Variants in SIPA1L2 observed in about 807,000 individuals in gnomAD.
SIPA1L2 encodes signal-induced proliferation-associated 1-like protein 2.
In SIPA1L2, 56 loss-of-function variants were observed where a neutral mutation model predicts 163.9. The ratio of observed to expected loss-of-function variants is 0.34; its 90% CI spans 0.28 to 0.43. SIPA1L2 has a LOEUF of 0.43. Ranked by LOEUF, SIPA1L2 falls within the 20% of genes least tolerant of loss-of-function variation. The pLI is 1.00. For synonymous variants in SIPA1L2, 877 were observed against 865.7 expected (o/e 1.01, Z -0.23); for missense variants, 1,974 against 2,193.5 (o/e 0.90, Z 2.00).
rs1283649687 is a variant in SIPA1L2, at chr1:232,490,880, T to C, written c.1800A>G (p.Glu600=). 1.2e-6 allele frequency: 2 copies of C among 1,613,200 alleles called. No homozygotes were observed. Among genetic ancestry groups the C allele is most frequent in the Middle Eastern group, 1.7e-4 (1 of 5,944 alleles). ...AATCTCACATTATACACACCCCTTGTTCATCAAGCTTGAGCAGCTGCTCTG... is the reference window on the plus strand; with the variant it reads ...AATCTCACATTATACACACCCCTTGCTCATCAAGCTTGAGCAGCTGCTCTG... ...KVSEQLLKLD[E]QGLSFQHKIG... is the part of the protein sequence containing the mutation. Residue 600 remains glutamate, a synonymous_variant, in exon 5 of 23, where the codon GAA becomes GAG. Transcript: ENST00000674635.
intron 2 of SIPA1L2, among the ~76,000 whole-genome samples, chr1:232,516,955 G>A (rs1667244268): frequency 6.6e-6 from 1 of 152,128 alleles, no homozygotes; most frequent in South Asian, 2.1e-4. Context: ...AAATGTCTGT[G>A]TCTAAATAAA....
At position 232,630,131 on chromosome 1, in the gene SIPA1L2, T is replaced by C. The variant is rs972740002; in HGVS notation, c.-581A>G. 4.0e-5 allele frequency among the ~76,000 whole-genome samples: 6 copies of C among 151,096 alleles called. No homozygotes were observed. The highest frequency in any genetic ancestry group is 1.5e-4 in the African/African-American group (6 of 41,274). On this transcript the variant is annotated 5_prime_UTR_variant, in exon 1 of 23. Transcript: ENST00000674635. Reference sequence around the variant, plus strand: ...CCGCCAGCTCCTCCCGGGCTCCCAGTCTGCCGCGCCGGCTCCCGATGCCAC... The same window carrying C: ...CCGCCAGCTCCTCCCGGGCTCCCAGCCTGCCGCGCCGGCTCCCGATGCCAC...
chr1:232,491,078 A>C lies in SIPA1L2; in HGVS notation c.1618-16T>G, dbSNP rs191180116. 6.2e-7 allele frequency: 1 copy of C among 1,605,156 alleles called. No individual in the cohort carries two copies. The highest frequency in any genetic ancestry group is 1.3e-5 in the African/African-American group (1 of 74,722). On this transcript the variant is annotated splice_polypyrimidine_tract_variant and intron_variant, in intron 4 of 22. Coordinates refer to ENST00000674635, the MANE Select transcript of SIPA1L2 (RefSeq NM_020808.5). Reference sequence around the variant, plus strand: ...GTGTTGTAAGCTGCAGTGACAAAACATAAGACTTCGGTTAATATTGATTCT... The same window carrying C: ...GTGTTGTAAGCTGCAGTGACAAAACCTAAGACTTCGGTTAATATTGATTCT...
At chr1:232,579,964 A>T (rs1660285815) in intron 1 of SIPA1L2, among the ~76,000 whole-genome samples, 1 of 152,172 alleles carries the variant, frequency 6.6e-6, no homozygotes, top group African/African-American at 2.4e-5. Flanking sequence ...AAAGAATTTG[A>T]GGTGAATTCG....
intron 2 of SIPA1L2, among the ~76,000 whole-genome samples, chr1:232,550,164 A>AT (rs1211073775): frequency 6.6e-6 from 1 of 152,214 alleles, no homozygotes; most frequent in Admixed American, 6.5e-5. Flanking sequence ...AGTTTACCAA[A>AT]TGGCATCTTG....
intron 18 of SIPA1L2, among the ~76,000 whole-genome samples, chr1:232,420,717 C>A (rs955323239): frequency 6.6e-6 from 1 of 152,100 alleles, no homozygotes; most frequent in African/African-American, 2.4e-5. Context: ...TGCCTGTAGT[C>A]CCAGCTACTC....
intron 2 of SIPA1L2, among the ~76,000 whole-genome samples, chr1:232,524,695 C>T (rs1667610879): frequency 6.6e-6 from 1 of 151,884 alleles, no homozygotes; most frequent in Non-Finnish European, 1.5e-5. Flanking sequence ...GAATATGCAT[C>T]AACTTGAGGA....
chr1:232,511,672 C>G (rs1666987448), intron 3 of SIPA1L2, among the ~76,000 whole-genome samples: 1 of 152,076 alleles, frequency 6.6e-6, no homozygotes, highest in Non-Finnish European at 1.5e-5. Context: ...CCCACCCTCC[C>G]CAACCCACTC....
chr1:232,626,989 A>G (rs746262554), intron 1 of SIPA1L2, among the ~76,000 whole-genome samples: 2 of 152,192 alleles, frequency 1.3e-5, no homozygotes, highest in Non-Finnish European at 2.9e-5. Flanking sequence ...TAGAAAACCT[A>G]GAACATGGTT....
chr1:232,459,926 A>G (rs541985928), intron 10 of SIPA1L2, among the ~76,000 whole-genome samples: 1 of 152,322 alleles, frequency 6.6e-6, no homozygotes, highest in African/African-American at 2.4e-5. Context: ...GAGGTAGGCG[A>G]TATAATAATC....
intron 17 of SIPA1L2, 136 bp downstream of exon 17, chr1:232,428,275 T>C (rs1662018603): frequency 1.5e-6 from 1 of 663,686 alleles, no homozygotes; most frequent in Non-Finnish European, 2.2e-6. Flanking sequence ...GTCAACTATG[T>C]GCAGTGAGTT....
chr1:232,612,654 C>T (rs1195566198), intron 1 of SIPA1L2, among the ~76,000 whole-genome samples: 1 of 152,188 alleles, frequency 6.6e-6, no homozygotes, highest in African/African-American at 2.4e-5. Context: ...TTTACTCATA[C>T]CTATATCCCC....
intron 18 of SIPA1L2, among the ~76,000 whole-genome samples, chr1:232,418,545 G>C (rs1056225699): frequency 6.6e-6 from 1 of 152,200 alleles, no homozygotes; most frequent in African/African-American, 2.4e-5. Flanking sequence ...CAGCCAACCA[G>C]CTCTGAAGGT....
chr1:232,398,252 A>C lies in SIPA1L2; in HGVS notation c.*875T>G, dbSNP rs1383325683. ...AAGGGTGTTAAATACAAGACACTTCATCAAAGCTTCTGTACAAAGATAAAC... is the reference window on the plus strand; with the variant it reads ...AAGGGTGTTAAATACAAGACACTTCCTCAAAGCTTCTGTACAAAGATAAAC... On this transcript the variant is annotated 3_prime_UTR_variant, in exon 23 of 23. Transcript: ENST00000674635. 1.3e-5 allele frequency: 2 copies of C among 152,642 alleles called. No individual in the cohort carries two copies. The highest frequency in any genetic ancestry group is 2.9e-5 in the Non-Finnish European group (2 of 68,036). The allele number at this position is 152,642 out of a possible 1,614,324, so 9.5% of individuals were successfully genotyped here. A position where few individuals can be genotyped will look rare whatever the true frequency, so the allele number is the denominator to read the frequency against.
At position 232,514,623 on chromosome 1, in the gene SIPA1L2, T is replaced by C. The variant is rs1416586593; in HGVS notation, c.717A>G (p.Ala239=). The C allele has an allele frequency of 6.2e-7, 1 of 1,614,198 alleles. No homozygotes were observed. Among genetic ancestry groups the C allele is most frequent in the South Asian group, 1.1e-5 (1 of 91,082 alleles). The change falls in exon 3 of 23, where the codon GCA becomes GCG. Residue 239 remains alanine (A), a synonymous_variant. Coordinates refer to ENST00000674635, the MANE Select transcript of SIPA1L2 (RefSeq NM_020808.5). ...CTGCTGCATGAAGGCTCGGAGAGATTGCAGGGTCACAGCGGAAAAATTCAG... is the reference window on the plus strand; with the variant it reads ...CTGCTGCATGAAGGCTCGGAGAGATCGCAGGGTCACAGCGGAAAAATTCAG... ...GFPEFFRCDP[A]ISPSLHAAAQ... is the part of the protein sequence containing the mutation.
In SIPA1L2 at chr1:232,399,127, C is replaced by T. The variant is rs1252988883; in HGVS notation, c.5169G>A (p.Ter1723=). The change falls in exon 23 of 23, where the codon TAG becomes TAA. Residue 1723 remains the stop codon, a stop_retained_variant. Transcript: ENST00000674635. ...GGTCCCTTGATGAGGTGCGGATTGG[C>T]TAAGATTTTTTGTCGATGGTGGTGA... ...WFFTTIDKKS[*] The T allele has an allele frequency of 1.9e-6, 3 of 1,614,046 alleles. No homozygotes were observed. The highest frequency in any genetic ancestry group is 2.7e-5 in the African/African-American group (2 of 74,988).
intron 2 of SIPA1L2, among the ~76,000 whole-genome samples, chr1:232,518,394 C>T (rs899613932): frequency 2.0e-5 from 3 of 152,108 alleles, no homozygotes; most frequent in African/African-American, 7.2e-5. Flanking sequence ...CTTCCCTGGC[C>T]ACAATTATTG....
At chr1:232,556,679 C>CT (rs1311358522) in intron 2 of SIPA1L2, among the ~76,000 whole-genome samples, 3 of 150,966 alleles carry the variant, frequency 2.0e-5, no homozygotes, top group African/African-American at 7.3e-5. Flanking sequence ...AATCTTTGAA[C>CT]TTTGCTTTGT....
chr1:232,454,555 C>T (rs1663782085), intron 10 of SIPA1L2, among the ~76,000 whole-genome samples: 1 of 152,188 alleles, frequency 6.6e-6, no homozygotes, highest in African/African-American at 2.4e-5. Context: ...CAATAGCTAG[C>T]TATCTGACGC....
Sources: gnomAD v4.1 joint callset for allele counts (sites outside exome capture counted in the v4.1 genomes callset) on GRCh38, gnomAD v4.1.1 for gene constraint, MANE v1.5 for transcripts, NCBI Gene and HGNC (gene_info 2026-07-23, HGNC 2026-07-21) for gene names.